Variants in GUCY1A2 observed in about 807,000 individuals in gnomAD.
GUCY1A2 encodes the protein guanylate cyclase soluble subunit alpha-2.
GUCY1A2 carries 27 observed loss-of-function variants against 63.5 expected under a neutral mutation model. The observed-to-expected ratio is 0.43, with a 90% CI of 0.31 to 0.59. The LOEUF (loss-of-function observed/expected upper bound fraction) is 0.59, where lower values mean the gene tolerates loss of function less well. Among genes scored for constraint, GUCY1A2 ranks in the 20% least tolerant of loss-of-function variants. The pLI, the probability that GUCY1A2 is intolerant of heterozygous loss-of-function variation, is 0.11. For missense variants in GUCY1A2, 768 were observed against 913.3 expected (o/e 0.84, Z 2.05); for synonymous variants, 364 against 343.5 (o/e 1.06, Z -0.66).
At chr11:106,983,939 C>T (rs892105454) in intron 2 of GUCY1A2, among the ~76,000 whole-genome samples, 2 of 152,282 alleles carry the variant, frequency 1.3e-5, no homozygotes, top group South Asian at 4.2e-4. Flanking sequence ...GAACAACATA[C>T]AGCTGTAAAC....
At chr11:106,893,755 C>G (rs1323353254) in intron 4 of GUCY1A2, among the ~76,000 whole-genome samples, 1 of 152,164 alleles carries the variant, frequency 6.6e-6, no homozygotes, top group African/African-American at 2.4e-5. Context: ...AGCCCACAAG[C>G]AAAAACGTCC....
intron 5 of GUCY1A2, among the ~76,000 whole-genome samples, chr11:106,805,528 G>T (rs975757498): frequency 6.6e-6 from 1 of 152,146 alleles, no homozygotes; most frequent in Non-Finnish European, 1.5e-5. Context: ...TTACAGGCGT[G>T]AGCCACCGTG....
intron 6 of GUCY1A2, among the ~76,000 whole-genome samples, chr11:106,763,563 CTAAT>C (rs1346258018): frequency 2.6e-5 from 4 of 152,116 alleles, no homozygotes; most frequent in Non-Finnish European, 5.9e-5. Context: ...GATAAACTAA[CTAAT>C]TAAGGCAAAC....
At chr11:106,983,462 G>C (rs940586906) in intron 2 of GUCY1A2, among the ~76,000 whole-genome samples, 1 of 152,146 alleles carries the variant, frequency 6.6e-6, no homozygotes, top group Non-Finnish European at 1.5e-5. Flanking sequence ...TGCTCTCCGC[G>C]TTGAAGTCTC....
chr11:106,903,120 T>A (rs911847361), intron 4 of GUCY1A2, among the ~76,000 whole-genome samples: 2 of 147,164 alleles, frequency 1.4e-5, no homozygotes, highest in Non-Finnish European at 3.1e-5. Flanking sequence ...AAAATAAATA[T>A]GTAAAATCTT....
chr11:106,944,827 G>C (rs558738689), intron 3 of GUCY1A2, among the ~76,000 whole-genome samples: 2 of 152,054 alleles, frequency 1.3e-5, no homozygotes, highest in Non-Finnish European at 2.9e-5. Context: ...AAAACTATCA[G>C]TGTTACTCCT....
chr11:106,700,009 T>A (rs1171699127), intron 7 of GUCY1A2, among the ~76,000 whole-genome samples: 1 of 152,072 alleles, frequency 6.6e-6, no homozygotes, highest in East Asian at 1.9e-4. Context: ...GGTCTCGATC[T>A]CCTGACTTCG....
intron 1 of GUCY1A2, among the ~76,000 whole-genome samples, chr11:107,016,625 A>C (rs1861826853): frequency 6.6e-6 from 1 of 152,276 alleles, no homozygotes; most frequent in African/African-American, 2.4e-5. Flanking sequence ...GAAGGGCCTA[A>C]TATAAAGAAG....
intron 1 of GUCY1A2, among the ~76,000 whole-genome samples, chr11:106,987,040 G>T (rs567412877): frequency 6.6e-6 from 1 of 152,154 alleles, no homozygotes; most frequent in African/African-American, 2.4e-5. Context: ...AGGAAGTTAT[G>T]ATAAGAAGAA....
chr11:106,710,971 A>C (rs997121729), intron 6 of GUCY1A2, among the ~76,000 whole-genome samples: 1 of 152,128 alleles, frequency 6.6e-6, no homozygotes, highest in African/African-American at 2.4e-5. Flanking sequence ...CAACTCATAA[A>C]AAGATAGGTT....
At chr11:106,973,575 G>T (rs912988244) in intron 3 of GUCY1A2, among the ~76,000 whole-genome samples, 1 of 152,006 alleles carries the variant, frequency 6.6e-6, no homozygotes, top group Admixed American at 6.6e-5. Flanking sequence ...AGAATTCAGA[G>T]AACTGGAAAG....
chr11:106,882,573 G>A (rs1306381227), intron 4 of GUCY1A2, among the ~76,000 whole-genome samples: 1 of 151,956 alleles, frequency 6.6e-6, no homozygotes, highest in African/African-American at 2.4e-5. Context: ...AATGTCTAGT[G>A]AATACAGACA....
Position 107,014,645 on chromosome 11 carries a change from T to C in GUCY1A2, c.303+3108A>G, listed in dbSNP as rs1300112957. On this transcript the variant is annotated intron_variant, in intron 1 of 7. Transcript: ENST00000526355. ...GACTATTAAGCATCAAAAACCTGAG[T>C]GTGGATATCCCATGGGTCAAATAAC... Among the ~76,000 whole-genome samples the C allele has an allele frequency of 3.3e-5, 5 of 152,162 alleles. 1 individual carries two copies. In the South Asian group the frequency reaches 1.0e-3, roughly 32 times the overall value.
intron 6 of GUCY1A2, among the ~76,000 whole-genome samples, chr11:106,773,301 C>G (rs1480203329): frequency 6.6e-6 from 1 of 151,662 alleles, no homozygotes; most frequent in African/African-American, 2.4e-5. Flanking sequence ...TCTTTAATGA[C>G]TTGATTCTTT....
At chr11:106,689,602 T>C (rs12362289) in intron 7 of GUCY1A2, among the ~76,000 whole-genome samples, 14,505 of 151,978 alleles carry the variant, frequency 0.095, 915 homozygotes, top group Non-Finnish European at 0.14. Flanking sequence ...AGCCAACACG[T>C]ATATGAAAAA....
chr11:106,682,491 G>T lies in GUCY1A2; in HGVS notation c.*5058C>A, dbSNP rs1021711308. 2.9e-5 allele frequency: 6 copies of T among 210,218 alleles called. No homozygotes were observed. Among genetic ancestry groups the T allele is most frequent in the African/African-American group, 1.4e-4 (6 of 44,106 alleles). The allele number at this position is 210,218 out of a possible 1,614,324, so 13.0% of individuals were successfully genotyped here. ...TCCCTACGGAATTCTTATGAAGCCA[G>T]CCAGATACTTCCAAGCAGATCAGCT... On this transcript the variant is annotated 3_prime_UTR_variant, in exon 8 of 8. Transcript: ENST00000526355.
intron 4 of GUCY1A2, among the ~76,000 whole-genome samples, chr11:106,925,877 T>G (rs1410819392): frequency 6.6e-6 from 1 of 152,186 alleles, no homozygotes; most frequent in Non-Finnish European, 1.5e-5. Flanking sequence ...GGGAATGAAA[T>G]GTCTTAAATA....
chr11:106,770,333 C>T (rs561898410), intron 6 of GUCY1A2, among the ~76,000 whole-genome samples: 12 of 152,188 alleles, frequency 7.9e-5, no homozygotes, highest in African/African-American at 2.9e-4. Context: ...AAAAAAATGT[C>T]TATACATGTT....
intron 6 of GUCY1A2, among the ~76,000 whole-genome samples, chr11:106,765,672 C>T (rs940725095): frequency 6.6e-6 from 1 of 152,112 alleles, no homozygotes. Flanking sequence ...CATGCATACT[C>T]CGGACCTGTG....
Sources: gnomAD v4.1 joint callset for allele counts (sites outside exome capture counted in the v4.1 genomes callset) on GRCh38, gnomAD v4.1.1 for gene constraint, MANE v1.5 for transcripts, NCBI Gene and HGNC (gene_info 2026-07-23, HGNC 2026-07-21) for gene names.